PGM1: variants seen among roughly 807,000 people sequenced by gnomAD.
The protein encoded by PGM1 is phosphoglucomutase-1.
A neutral mutation model predicts 55.6 loss-of-function variants in PGM1; 52 were observed. The ratio of observed to expected loss-of-function variants is 0.94; its 90% CI spans 0.75 to 1.18. The LOEUF (loss-of-function observed/expected upper bound fraction) is 1.18. Among genes scored for constraint, PGM1 ranks in the 50% most tolerant of loss-of-function variants. The pLI is 0.00. For synonymous variants in PGM1, 287 were observed against 271.7 expected, an observed-to-expected ratio of 1.06 and a Z score of -0.55; for missense variants, 724 against 729.3, an observed-to-expected ratio of 0.99 and a Z score of 0.08.
chr1:63,594,281 T>C (rs1570464841), intron 1 of PGM1: 2 of 183,884 alleles, frequency 1.1e-5, no homozygotes, highest in Non-Finnish European at 1.6e-5. Flanking sequence ...CCCATCCCCC[T>C]GGGGCGTCAG....
At chr1:63,640,664 C>G (rs1171938586) in intron 7 of PGM1, among the ~76,000 whole-genome samples, 1 of 152,130 alleles carries the variant, frequency 6.6e-6, no homozygotes, top group African/African-American at 2.4e-5. Flanking sequence ...TGGTGCTGAC[C>G]CACAGGGAAC....
At position 63,593,753 on chromosome 1, in the gene PGM1, C is replaced by G; in HGVS notation, c.246+19C>G. Reference sequence around the variant, plus strand: ...CAACGGGGTAAGGGATGCGCGGCCCCGCGCCGCTGTGCACCCTGGCGCGTG... The same window carrying G: ...CAACGGGGTAAGGGATGCGCGGCCCGGCGCCGCTGTGCACCCTGGCGCGTG... On this transcript the variant is annotated intron_variant, in intron 1 of 10. Coordinates refer to ENST00000371084, the MANE Select transcript of PGM1 (RefSeq NM_002633.3). 6.3e-7 allele frequency: 1 copy of G among 1,577,464 alleles called. No homozygotes were observed. Among genetic ancestry groups the G allele is most frequent in the South Asian group, 1.1e-5 (1 of 87,548 alleles).
At chr1:63,605,476 G>C (rs1318157431) in intron 1 of PGM1, among the ~76,000 whole-genome samples, 1 of 152,220 alleles carries the variant, frequency 6.6e-6, no homozygotes, top group Non-Finnish European at 1.5e-5. Flanking sequence ...AGGTGGAAAA[G>C]ATAGGCTAGT....
chr1:63,624,974 T>G (rs1375666942), intron 1 of PGM1, among the ~76,000 whole-genome samples: 1 of 152,254 alleles, frequency 6.6e-6, no homozygotes, highest in African/African-American at 2.4e-5. Flanking sequence ...ATACACATTT[T>G]TAAGATAAAA....
chr1:63,635,595 A>G (rs964193144), intron 5 of PGM1, among the ~76,000 whole-genome samples: 1 of 152,236 alleles, frequency 6.6e-6, no homozygotes, highest in African/African-American at 2.4e-5. Flanking sequence ...TATCTCACTG[A>G]TGGTAGGCAC....
intron 3 of PGM1, among the ~76,000 whole-genome samples, chr1:63,630,405 A>T (rs1649164207): frequency 6.6e-6 from 1 of 152,196 alleles, no homozygotes; most frequent in Admixed American, 6.5e-5. Context: ...CTCTTGCTAC[A>T]TGCCAAGGTC....
Position 63,638,811 on chromosome 1 carries a change from C to T in PGM1, c.1144+11C>T, listed in dbSNP as rs749702755. ...AGAGCTTCGGGACCGGTAAGTCACA[C>T]TCCTGTGCTAGCATTTTCCTCCCTG... On this transcript the variant is annotated intron_variant, in intron 7 of 10. Transcript: ENST00000371084. 6.4e-7 allele frequency: 1 copy of T among 1,567,882 alleles called. No individual in the cohort carries two copies. The highest frequency in any genetic ancestry group is 8.8e-7 in the Non-Finnish European group (1 of 1,137,688).
intron 1 of PGM1, among the ~76,000 whole-genome samples, chr1:63,614,069 C>A (rs899033104): frequency 6.6e-6 from 1 of 152,154 alleles, no homozygotes; most frequent in Admixed American, 6.5e-5. Flanking sequence ...ATACCTACAC[C>A]ACTGAGTTGT....
chr1:63,598,992 A>G (rs1193439574), intron 1 of PGM1, among the ~76,000 whole-genome samples: 3 of 152,208 alleles, frequency 2.0e-5, no homozygotes, highest in Non-Finnish European at 4.4e-5. Flanking sequence ...CTGAAGGAAC[A>G]TGTTTCTGGC....
intron 1 of PGM1, among the ~76,000 whole-genome samples, chr1:63,604,245 C>T (rs1648349665): frequency 6.6e-6 from 1 of 152,198 alleles, no homozygotes; most frequent in Admixed American, 6.5e-5. Context: ...TTGTAACAGA[C>T]ACTCAAAACA....
intron 6 of PGM1, 86 bp from the exon 7 acceptor site, chr1:63,638,599 T>G: frequency 1.2e-6 from 1 of 864,198 alleles, no homozygotes; most frequent in Non-Finnish European, 2.0e-6. Flanking sequence ...GACCCTTGAT[T>G]ACAATAACGA....
chr1:63,634,884 C>T lies in PGM1; in HGVS notation c.738C>T (p.Asn246=). The change falls in exon 5 of 11, where the codon AAC becomes AAT. Residue 246 remains asparagine, a synonymous_variant. Coordinates refer to ENST00000371084, the MANE Select transcript of PGM1 (RefSeq NM_002633.3). ...ILCEELGAPA[N]SAVNCVPLED... is the part of the protein sequence containing the mutation. ...GTGAAGAACTCGGTGCCCCTGCGAACTCGGCAGTTAACTGCGTTCCTCTGG... is the reference window on the plus strand; with the variant it reads ...GTGAAGAACTCGGTGCCCCTGCGAATTCGGCAGTTAACTGCGTTCCTCTGG... 1.2e-6 allele frequency: 2 copies of T among 1,601,538 alleles called. No individual in the cohort carries two copies. Among genetic ancestry groups the T allele is most frequent in the Non-Finnish European group, 1.7e-6 (2 of 1,173,992 alleles).
intron 1 of PGM1, among the ~76,000 whole-genome samples, chr1:63,617,879 G>GT (rs145253461): frequency 0.15 from 22,637 of 147,658 alleles, 1,835 homozygotes; most frequent in African/African-American, 0.18. Flanking sequence ...AGTGTGTGTG[G>GT]TTTTTTTTTT....
chr1:63,610,914 G>A (rs1050739923), intron 1 of PGM1, among the ~76,000 whole-genome samples: 4 of 152,092 alleles, frequency 2.6e-5, no homozygotes, highest in African/African-American at 7.3e-5. Flanking sequence ...TACTGGTTAC[G>A]GTGTTTGGTG....
In PGM1 at chr1:63,634,839, G is replaced by A. The variant is rs538147286; in HGVS notation, c.693G>A (p.Pro231=). ...CCATGCTGTATATAGTTGTGGGACCGTATGTAAAGAAGATCCTCTGTGAAG... is the reference window on the plus strand; with the variant it reads ...CCATGCTGTATATAGTTGTGGGACCATATGTAAAGAAGATCCTCTGTGAAG... ...RIDAMHGVVG[P]YVKKILCEEL... Residue 231 remains proline (P), a synonymous_variant, in exon 5 of 11, where the codon CCG becomes CCA. Transcript: ENST00000371084. 51 of 1,612,540 alleles carry A rather than the reference G, an allele frequency of 3.2e-5. No homozygotes were observed. The highest frequency in any genetic ancestry group is 1.1e-4 in the African/African-American group (8 of 74,984).
chr1:63,654,390 G>T lies in PGM1; in HGVS notation c.1523G>T (p.Gly508Val). The T allele has an allele frequency of 6.2e-7, 1 of 1,612,790 alleles. No individual in the cohort carries two copies. Residue 508 changes from glycine (G) to valine (V), a missense_variant, in exon 10 of 11, where the codon GGG (glycine) becomes GTG (valine). This residue lies in a region of PGM1 where 316 missense variants were observed against 313.1 expected (regional missense o/e 1.01). Coordinates refer to ENST00000371084, the MANE Select transcript of PGM1 (RefSeq NM_002633.3). ...SRIVFRLSGT[G>V]SAGATIRLYI... ...ATCGTCTTCCGACTGAGCGGCACTG[G>T]GAGTGCCGGGGCCACCATTCGGCTG...
intron 8 of PGM1, among the ~76,000 whole-genome samples, chr1:63,649,542 C>A (rs1434542672): frequency 2.0e-5 from 3 of 152,100 alleles, no homozygotes; most frequent in Non-Finnish European, 2.9e-5. Context: ...TTTCTCTGGA[C>A]CTCAGTTGCC....
intron 1 of PGM1, among the ~76,000 whole-genome samples, chr1:63,597,605 A>G (rs1648117700): frequency 6.6e-6 from 1 of 152,092 alleles, no homozygotes; most frequent in South Asian, 2.1e-4. Flanking sequence ...AATGACAAAA[A>G]CCTTACTTGG....
At chr1:63,636,187 T>TA in intron 5 of PGM1, 47 bp from the exon 6 acceptor site, 1 of 1,569,846 alleles carries the variant, frequency 6.4e-7, no homozygotes. Context: ...TTTGATTTCT[T>TA]ATAGTTTGAT....
Sources: gnomAD v4.1 joint callset for allele counts (sites outside exome capture counted in the v4.1 genomes callset) on GRCh38, gnomAD v4.1.1 for gene constraint, gnomAD v4.1.1 regional missense constraint, MANE v1.5 for transcripts, NCBI Gene and HGNC (gene_info 2026-07-23, HGNC 2026-07-21) for gene names.